The following PEAK1 variants were observed in gnomAD, a reference collection of about 807,000 sequenced individuals.
PEAK1 encodes inactive tyrosine-protein kinase PEAK1.
In PEAK1, 54 loss-of-function variants were observed where a neutral mutation model predicts 124.7. The ratio of observed to expected loss-of-function variants is 0.43; its 90% confidence interval spans 0.35 to 0.54. PEAK1 has a LOEUF of 0.54. Among genes scored for constraint, PEAK1 ranks in the 20% least tolerant of loss-of-function variants. PEAK1 has a pLI of 0.01. For missense variants in PEAK1, 2,046 were observed against 2,134.5 expected, an observed-to-expected ratio of 0.96 and a Z score of 0.82; for synonymous variants, 719 against 760.0, an observed-to-expected ratio of 0.95 and a Z score of 0.89.
chr15:77,232,966 C>G (rs527550065), intron 6 of PEAK1, among the ~76,000 whole-genome samples: 17 of 152,088 alleles, frequency 1.1e-4, no homozygotes, highest in African/African-American at 4.1e-4. Context: ...AGGCTGGTCT[C>G]GGACTCCTAA....
chr15:77,407,930 TAC>T (rs774383293), intron 1 of PEAK1, among the ~76,000 whole-genome samples: 1 of 132,602 alleles, frequency 7.5e-6, no homozygotes, highest in African/African-American at 2.6e-5. Flanking sequence ...TATACATATA[TAC>T]ACACATATAT....
In PEAK1 at chr15:77,342,172, A is replaced by C. The variant is rs201318964; in HGVS notation, c.-603+22991T>G. On this transcript the variant is annotated intron_variant, in intron 2 of 9. Coordinates refer to ENST00000682557, the MANE Select transcript of PEAK1 (RefSeq NM_001385026.1). ...TCATTATGGTAAAAAAAAAAAAAAA[A>C]ACACACACACAACATAAAATCTTCA... Among the ~76,000 whole-genome samples the C allele has an allele frequency of 9.7e-3, 1,199 of 123,858 alleles. 18 individuals are homozygous for C. The highest frequency in any genetic ancestry group is 0.03 in the East Asian group (136 of 4,574). The allele number at this position is 123,858 out of a possible 152,430, so 81.3% of individuals were successfully genotyped here. A position where few individuals can be genotyped will look rare whatever the true frequency, so the allele number is the denominator to read the frequency against.
intron 1 of PEAK1, among the ~76,000 whole-genome samples, chr15:77,416,162 T>A (rs1489856578): frequency 6.6e-6 from 1 of 152,210 alleles, no homozygotes; most frequent in East Asian, 1.9e-4. Flanking sequence ...TGTTGACCAC[T>A]CCTAGCCCTT....
In PEAK1 at chr15:77,181,521, T is replaced by A. The variant is rs752961289; in HGVS notation, c.406A>T (p.Asn136Tyr). 6 of 1,614,144 alleles carry A rather than the reference T, an allele frequency of 3.7e-6. No individual in the cohort carries two copies. In the South Asian group the frequency reaches 6.6e-5, roughly 18 times the overall value. Residue 136 changes from asparagine (N) to tyrosine (Y), a missense_variant, in exon 7 of 10, where the codon AAT (asparagine) becomes TAT (tyrosine). Physicochemically the swap from Asn to Tyr is moderately radical, Grantham distance 143 (BLOSUM62 -2). Transcript: ENST00000682557. ...TCTGACATCTTCTTTGCACTATCAT[T>A]ATTGCCATAAGGCTTAGGAACATGG... ...ISHVPKPYGN[N>Y]DSAKKMSDNN...
At position 77,203,571 on chromosome 15, in the gene PEAK1, A is replaced by T. The variant is rs929405933; in HGVS notation, c.-114-21531T>A. 5.9e-5 allele frequency among the ~76,000 whole-genome samples: 9 copies of T among 152,280 alleles called. No individual in the cohort carries two copies. The East Asian group carries it at 1.5e-3, about 26-fold the overall frequency. On this transcript the variant is annotated intron_variant, in intron 6 of 9. Transcript: ENST00000682557. Reference sequence around the variant, plus strand: ...CAAGACAGTATGATACTGGCAAAAGAACAGACAAATAGATCAATGGAACAG... The same window carrying T: ...CAAGACAGTATGATACTGGCAAAAGTACAGACAAATAGATCAATGGAACAG...
intron 6 of PEAK1, among the ~76,000 whole-genome samples, chr15:77,192,980 C>A (rs1321331135): frequency 1.3e-5 from 2 of 152,170 alleles, no homozygotes; most frequent in Non-Finnish European, 2.9e-5. Flanking sequence ...CGCACAGACA[C>A]ACAGACATAT....
chr15:77,346,756 ATATT>A, intron 2 of PEAK1: 1 of 980,238 alleles, frequency 1.0e-6, no homozygotes, highest in Non-Finnish European at 1.2e-6. Context: ...GGTAGAAAAA[ATATT>A]CATTCATTGG....
chr15:77,338,676 T>C (rs2066352813), intron 2 of PEAK1, among the ~76,000 whole-genome samples: 1 of 150,568 alleles, frequency 6.6e-6, no homozygotes, highest in African/African-American at 2.4e-5. Context: ...TCTAGCTATT[T>C]AGAACCAATT....
intron 1 of PEAK1, among the ~76,000 whole-genome samples, chr15:77,406,485 A>T (rs2071829912): frequency 6.6e-6 from 1 of 152,220 alleles, no homozygotes; most frequent in East Asian, 1.9e-4. Context: ...ATATACCAAC[A>T]GCGGCCAAGC....
At chr15:77,275,191 A>G (rs1226203231) in intron 5 of PEAK1, among the ~76,000 whole-genome samples, 1 of 152,132 alleles carries the variant, frequency 6.6e-6, no homozygotes, top group African/African-American at 2.4e-5. Flanking sequence ...GTGAGGGATA[A>G]AAGACTACAC....
chr15:77,414,215 T>TCCTTCCTTCTTTCCTTC (rs2072683563), intron 1 of PEAK1, among the ~76,000 whole-genome samples: 1 of 137,068 alleles, frequency 7.3e-6, no homozygotes, highest in Non-Finnish European at 1.6e-5. Context: ...TTCTTTTTTT[T>TCCTTCCTTCTTTCCTTC]TTTTTTTTTT....
rs747039267 is a variant in PEAK1, at chr15:77,180,380, G to T, written c.1547C>A (p.Pro516Gln). The T allele has an allele frequency of 3.1e-6, 5 of 1,613,998 alleles. No individual in the cohort carries two copies. Among genetic ancestry groups the T allele is most frequent in the Non-Finnish European group, 3.4e-6 (4 of 1,180,012 alleles). Reference sequence around the variant, plus strand: ...TTGGAAATGGGCACTTATTTGTCCTGGTGTCAATGAAGATGATGTAACTGG... The same window carrying T: ...TTGGAAATGGGCACTTATTTGTCCTTGTGTCAATGAAGATGATGTAACTGG... ...NSPVTSSSLTPGQISAHFQKS... is the reference protein window; with the variant it reads ...NSPVTSSSLTQGQISAHFQKS... Residue 516 changes from proline to glutamine, a missense_variant, in exon 7 of 10, where the codon CCA becomes CAA. Physicochemically the swap from Pro to Gln is moderately conservative, Grantham distance 76. Transcript: ENST00000682557.
At chr15:77,392,077 T>C (rs1014343815) in intron 1 of PEAK1, among the ~76,000 whole-genome samples, 3 of 152,228 alleles carry the variant, frequency 2.0e-5, no homozygotes, top group Non-Finnish European at 4.4e-5. Context: ...TGAAATTAAC[T>C]TCCTGGGCAG....
chr15:77,334,704 T>C (rs2066088734), intron 2 of PEAK1: 1 of 985,346 alleles, frequency 1.0e-6, no homozygotes, highest in Non-Finnish European at 1.2e-6. Flanking sequence ...ATGTGTGTGC[T>C]ACATCTCTCT....
chr15:77,268,387 T>A (rs2061851049), intron 5 of PEAK1, among the ~76,000 whole-genome samples: 1 of 151,322 alleles, frequency 6.6e-6, no homozygotes, highest in Non-Finnish European at 1.5e-5. Context: ...GGTAGGAGAA[T>A]CACTTGAACC....
intron 6 of PEAK1, among the ~76,000 whole-genome samples, chr15:77,250,156 CAT>C (rs1452848780): frequency 3.0e-5 from 4 of 132,930 alleles, no homozygotes; most frequent in Non-Finnish European, 6.2e-5. Context: ...TATATATATA[CAT>C]ATATATACAT....
At chr15:77,354,604 A>G (rs986406829) in intron 2 of PEAK1, among the ~76,000 whole-genome samples, 1 of 152,200 alleles carries the variant, frequency 6.6e-6, no homozygotes, top group Admixed American at 6.5e-5. Flanking sequence ...CTGTCCCCAC[A>G]TATCATTTAT....
At chr15:77,335,373 G>C in intron 2 of PEAK1, 1 of 985,340 alleles carries the variant, frequency 1.0e-6, no homozygotes, top group Non-Finnish European at 1.2e-6. Context: ...TATGTATCTA[G>C]TGGTCTTTTT....
At chr15:77,230,222 C>G (rs533224673) in intron 6 of PEAK1, among the ~76,000 whole-genome samples, 3 of 149,754 alleles carry the variant, frequency 2.0e-5, no homozygotes, top group African/African-American at 7.4e-5. Flanking sequence ...TTTTTTGACA[C>G]GGAGTCTTGA....
Sources: allele counts gnomAD v4.1 joint callset (sites outside exome capture counted in the v4.1 genomes callset), GRCh38; gene constraint gnomAD v4.1.1; transcripts MANE v1.5; gene names NCBI Gene and HGNC (gene_info 2026-07-23, HGNC 2026-07-21).